SPATA7: variants seen among roughly 807,000 people sequenced by gnomAD.
SPATA7 encodes the protein spermatogenesis associated 7.
A neutral mutation model predicts 51.8 loss-of-function variants in SPATA7; 43 were observed. That is an observed-to-expected ratio of 0.83 (90% CI 0.65 to 1.07). SPATA7 has a LOEUF of 1.07. Among genes scored for constraint, SPATA7 ranks in the 50% least tolerant of loss-of-function variants. The pLI, the probability that SPATA7 is intolerant of heterozygous loss-of-function variation, is 0.00. For missense variants in SPATA7, 683 were observed against 701.3 expected, an observed-to-expected ratio of 0.97 and a Z score of 0.30; for synonymous variants, 230 against 252.8, an observed-to-expected ratio of 0.91 and a Z score of 0.86.
At chr14:88,402,969 A>AAC (rs2076105979) in intron 4 of SPATA7, among the ~76,000 whole-genome samples, 1 of 140,600 alleles carries the variant, frequency 7.1e-6, no homozygotes, top group Non-Finnish European at 1.5e-5. Flanking sequence ...CAAAAAAAAA[A>AAC]AAAAAAAAAA....
At chr14:88,456,671 G>T (rs1187935776), downstream of SPATA7, among the ~76,000 whole-genome samples, 1 of 150,946 alleles carries the variant, frequency 6.6e-6, no homozygotes, top group Admixed American at 6.6e-5. Flanking sequence ...CCATTCTGTA[G>T]GTTGTCTGTT....
chr14:88,467,307 T>C (rs2077380028), intron 4 of SPATA7: 1 of 152,222 alleles, frequency 6.6e-6, no homozygotes, highest in South Asian at 2.1e-4. Context: ...CCCTAGGCAA[T>C]TGTTTTTCAC....
At chr14:88,445,954 G>T (rs536111351) in intron 3 of SPATA7, among the ~76,000 whole-genome samples, 30 of 150,812 alleles carry the variant, frequency 2.0e-4, no homozygotes, top group African/African-American at 5.4e-4. Flanking sequence ...TCTCTTTTTT[G>T]GTTGTATCTC....
chr14:88,405,565 G>C (rs2139920774), intron 4 of SPATA7, among the ~76,000 whole-genome samples: 1 of 152,296 alleles, frequency 6.6e-6, no homozygotes, highest in East Asian at 1.9e-4. Flanking sequence ...TGATGGGTTG[G>C]ATGTAGATGT....
chr14:88,428,718 A>G (rs2076862369), intron 7 of SPATA7: 1 of 152,276 alleles, frequency 6.6e-6, no homozygotes, highest in African/African-American at 2.4e-5. Context: ...GTGTGTCCCC[A>G]TATTCCATAG....
chr14:88,430,693 GT>G (rs2076916075), intron 8 of SPATA7, among the ~76,000 whole-genome samples: 1 of 152,134 alleles, frequency 6.6e-6, no homozygotes, highest in Non-Finnish European at 1.5e-5. Flanking sequence ...TAGAAAAGTA[GT>G]TTAAAAACCT....
intron 5 of SPATA7, among the ~76,000 whole-genome samples, chr14:88,424,848 A>G (rs528181705): frequency 1.3e-5 from 2 of 152,314 alleles, no homozygotes; most frequent in East Asian, 3.9e-4. Context: ...TGGAAAGGAA[A>G]GGTGATTTGA....
At chr14:88,465,416 G>A (rs765317651) in intron 4 of SPATA7, among the ~76,000 whole-genome samples, 5 of 152,130 alleles carry the variant, frequency 3.3e-5, no homozygotes, top group African/African-American at 4.8e-5. Context: ...GCAGTGAGCC[G>A]AGATCATGCC....
At chr14:88,416,465 TATTTA>T (rs1429354174) in intron 4 of SPATA7, 1 of 315,996 alleles carries the variant, frequency 3.2e-6, no homozygotes, top group Non-Finnish European at 5.8e-6. Flanking sequence ...TTGTTTGTAT[TATTTA>T]AATAGTTAAT....
intron 4 of SPATA7, among the ~76,000 whole-genome samples, chr14:88,463,856 G>GT (rs58851498): frequency 5.8e-4 from 87 of 150,640 alleles, no homozygotes; most frequent in Middle Eastern, 3.5e-3. Flanking sequence ...TTTTTGTTTT[G>GT]TTTTTTTTTG....
In SPATA7 at chr14:88,469,969, C is replaced by A; in HGVS notation, c.*102C>A. The A allele has an allele frequency of 1.2e-6, 2 of 1,614,100 alleles. No homozygotes were observed. The highest frequency in any genetic ancestry group is 1.1e-5 in the South Asian group (1 of 91,074). On this transcript the variant is annotated 3_prime_UTR_variant, in exon 5 of 5. Transcript: ENST00000556406. The surrounding 1 kb of genome is among the most constrained non-coding windows in gnomAD (Gnocchi z 4.3). ...ATAATTGCAATTCCCTGTTCCCATA[C>A]CATCTGCCAAAAATCTTGACAGGTA...
downstream of SPATA7, chr14:88,438,475 C>G: frequency 1.5e-6 from 2 of 1,362,438 alleles, no homozygotes; most frequent in Non-Finnish European, 2.1e-6. Context: ...ACTTTTCTTC[C>G]TTTTTTAAAA....
chr14:88,391,382 CA>C lies in SPATA7; in HGVS notation c.22del (p.Arg8GlufsTer19). On this transcript the variant is annotated frameshift_variant and splice_region_variant, in exon 2 of 12. Transcript: ENST00000393545. LOFTEE classifies it high-confidence loss of function. ...ATGATTTTTTTTTCTTGTTAAAAGTCAGAGCAACCTCTGTCCTTCCCAGATA... is the reference window on the plus strand; with the variant it reads ...ATGATTTTTTTTTCTTGTTAAAAGTCGAGCAACCTCTGTCCTTCCCAGATA... MDGSRRV[R>X]ATSVLPRYGP... The C allele has an allele frequency of 6.2e-7, 1 of 1,610,726 alleles. No individual in the cohort carries two copies. Among genetic ancestry groups the C allele is most frequent in the Non-Finnish European group, 8.5e-7 (1 of 1,178,824 alleles).
At chr14:88,408,615 A>T (rs1348366911) in intron 4 of SPATA7, among the ~76,000 whole-genome samples, 2 of 152,110 alleles carry the variant, frequency 1.3e-5, no homozygotes, top group South Asian at 2.1e-4. Flanking sequence ...CTCTTGCCTG[A>T]TTGCCCTGGC....
chr14:88,393,428 ACT>A lies in SPATA7; in HGVS notation c.134_135del (p.Leu45ProfsTer12). 6.2e-7 allele frequency: 1 copy of A among 1,604,728 alleles called. No homozygotes were observed. The highest frequency in any genetic ancestry group is 8.5e-7 in the Non-Finnish European group (1 of 1,174,806). On this transcript the variant is annotated frameshift_variant, in exon 3 of 12. Coordinates refer to ENST00000393545, the MANE Select transcript of SPATA7 (RefSeq NM_018418.5). LOFTEE classifies it high-confidence loss of function. ...TGACTCCTCTTCTCTCAGACTAAGCACTCTCCAGCTGGTCAAGAATCACATGG... is the reference window on the plus strand; with the variant it reads ...TGACTCCTCTTCTCTCAGACTAAGCACTCCAGCTGGTCAAGAATCACATGG... ...CTDSSSLRLS[T>X]LQLVKNHMAV...
chr14:88,461,730 C>T (rs369474227), intron 4 of SPATA7, among the ~76,000 whole-genome samples: 7 of 151,132 alleles, frequency 4.6e-5, no homozygotes, highest in Non-Finnish European at 7.4e-5. Flanking sequence ...CCCCACTGTC[C>T]GACAAGCCCC....
At chr14:88,425,132 G>T (rs1057494929) in intron 5 of SPATA7, among the ~76,000 whole-genome samples, 1 of 152,062 alleles carries the variant, frequency 6.6e-6, no homozygotes, top group Non-Finnish European at 1.5e-5. Flanking sequence ...ACAAAATAGG[G>T]TAATAATTGT....
intron 8 of SPATA7, among the ~76,000 whole-genome samples, chr14:88,429,890 C>CTATTTATTTATTTATTTATTTATT (rs57390600): frequency 9.8e-5 from 14 of 143,474 alleles, no homozygotes; most frequent in African/African-American, 1.8e-4. Context: ...TATGAAGACA[C>CTATTTATTTATTTATTTATTTATT]TATTTATTTA....
At chr14:88,435,776 C>T (rs1216014746) in intron 10 of SPATA7, among the ~76,000 whole-genome samples, 1 of 152,126 alleles carries the variant, frequency 6.6e-6, no homozygotes, top group Non-Finnish European at 1.5e-5. Context: ...TTTTTAATGG[C>T]TGAATAGTAC....
Sources: gnomAD v4.1 joint callset for allele counts (sites outside exome capture counted in the v4.1 genomes callset) on GRCh38, gnomAD v4.1.1 for gene constraint, Gnocchi (gnomAD v3.1) non-coding constraint, MANE v1.5 for transcripts, NCBI Gene and HGNC (gene_info 2026-07-23, HGNC 2026-07-21) for gene names.